Variants in SORCS2 observed in about 807,000 individuals in gnomAD.
SORCS2 encodes the protein sortilin related VPS10 domain containing receptor 2.
A neutral mutation model predicts 141.6 loss-of-function variants in SORCS2; 100 were observed. The observed-to-expected ratio is 0.71, with a 90% CI of 0.60 to 0.83. The LOEUF is 0.83. SORCS2 is among the 40% of genes least tolerant of loss of function. The pLI is 0.00. For missense variants in SORCS2, 1,646 were observed against 1,560.2 expected, an observed-to-expected ratio of 1.05 and a Z score of -0.93; for synonymous variants, 789 against 676.9, an observed-to-expected ratio of 1.17 and a Z score of -2.57.
At chr4:7,652,489 A>C (rs1259149179) in intron 4 of SORCS2, among the ~76,000 whole-genome samples, 1 of 151,734 alleles carries the variant, frequency 6.6e-6, no homozygotes, top group African/African-American at 2.4e-5. Context: ...TGGGGCACTG[A>C]CCCGTGGGCC....
rs369191979 is a variant in SORCS2 at position 7,736,967 on chromosome 4, G to T, written c.3312-102G>T. 5.5e-4 allele frequency: 787 copies of T among 1,441,822 alleles called. 7 individuals are homozygous for T. In the African/African-American group the frequency reaches 9.4e-3, roughly 17 times the overall value. 89.3% of individuals were successfully genotyped at this position (1,441,822 alleles called of 1,614,324 possible). Reference sequence around the variant, plus strand: ...GCACCTCTGGAGTGCTGTGGGCACCGTGCACCACACTCGGTGTGGTCAGGC... The same window carrying T: ...GCACCTCTGGAGTGCTGTGGGCACCTTGCACCACACTCGGTGTGGTCAGGC... On this transcript the variant is annotated intron_variant, in intron 25 of 26. Transcript: ENST00000507866.
intron 2 of SORCS2, among the ~76,000 whole-genome samples, chr4:7,518,948 G>A (rs1733156366): frequency 6.6e-6 from 1 of 152,104 alleles, no homozygotes; most frequent in South Asian, 2.1e-4. Context: ...GCTGCCTGTG[G>A]GAGCTGCCAA....
intron 3 of SORCS2, among the ~76,000 whole-genome samples, chr4:7,567,514 A>C (rs976879996): frequency 5.9e-5 from 9 of 152,088 alleles, no homozygotes; most frequent in African/African-American, 2.2e-4. Context: ...TATTCCTGGG[A>C]GGAAGACCAC....
At chr4:7,211,373 A>G (rs900400645) in intron 1 of SORCS2, among the ~76,000 whole-genome samples, 2 of 152,078 alleles carry the variant, frequency 1.3e-5, no homozygotes, top group African/African-American at 4.8e-5. Flanking sequence ...TTTTCAGGAT[A>G]CCATTGATTG....
chr4:7,666,029 G>A (rs1441101544), intron 7 of SORCS2, among the ~76,000 whole-genome samples: 1 of 152,110 alleles, frequency 6.6e-6, no homozygotes, highest in Non-Finnish European at 1.5e-5. Context: ...CGAGGAAACC[G>A]GGTGTGACTC....
chr4:7,689,212 G>A (rs1724058846), intron 10 of SORCS2, among the ~76,000 whole-genome samples: 1 of 152,056 alleles, frequency 6.6e-6, no homozygotes, highest in African/African-American at 2.4e-5. Context: ...CTAGATTAGG[G>A]AACCAACAGA....
At chr4:7,539,139 C>G (rs1197182766) in intron 3 of SORCS2, among the ~76,000 whole-genome samples, 1 of 152,192 alleles carries the variant, frequency 6.6e-6, no homozygotes, top group African/African-American at 2.4e-5. Flanking sequence ...CAGTGCTGCC[C>G]TGTCACCACC....
At chr4:7,719,786 G>A (rs1455418591) in intron 18 of SORCS2, among the ~76,000 whole-genome samples, 3 of 152,196 alleles carry the variant, frequency 2.0e-5, no homozygotes, top group South Asian at 2.1e-4. Context: ...CAGTGCAGTC[G>A]CATCTGCGGA....
At chr4:7,603,258 C>G (rs1717856938) in intron 3 of SORCS2, among the ~76,000 whole-genome samples, 1 of 152,066 alleles carries the variant, frequency 6.6e-6, no homozygotes, top group African/African-American at 2.4e-5. Flanking sequence ...TTAGATCACT[C>G]CATATTTCCT....
At position 7,192,947 on chromosome 4, in the gene SORCS2, G is replaced by A. The variant is rs970634114; in HGVS notation, c.301G>A (p.Ala101Thr). 10 of 1,314,976 alleles carry A rather than the reference G, an allele frequency of 7.6e-6. No individual in the cohort carries two copies. The African/African-American group carries it at 9.3e-5, about 12-fold the overall frequency. The allele number at this position is 1,314,976 out of a possible 1,614,324, so 81.5% of individuals were successfully genotyped here. A position where few individuals can be genotyped will look rare whatever the true frequency, so the allele number is the denominator to read the frequency against. The change falls in exon 1 of 27, where the codon GCT becomes ACT. Residue 101 changes from alanine to threonine, a missense_variant. Transcript: ENST00000507866. The surrounding 1 kb of genome is among the most constrained non-coding windows in gnomAD (Gnocchi z 4.0). ...CGCCCCGGGTCCGAGTCCCGGTCCC[G>A]CTCCTGGTCCCGGCGAGGACGGCGC... ...PGAPGPSPGP[A>T]PGPGEDGAPA... is the part of the protein sequence containing the mutation.
intron 3 of SORCS2, among the ~76,000 whole-genome samples, chr4:7,546,148 C>A (rs756914436): frequency 2.6e-5 from 4 of 152,150 alleles, no homozygotes; most frequent in Non-Finnish European, 4.4e-5. Flanking sequence ...GGGAGGAATA[C>A]AACATTCAGT....
At chr4:7,660,578 G>A (rs183173288) in intron 5 of SORCS2, among the ~76,000 whole-genome samples, 15 of 152,226 alleles carry the variant, frequency 9.9e-5, no homozygotes, top group African/African-American at 3.6e-4. Context: ...GTTGTGAGCA[G>A]GGCAGTGTGT....
intron 1 of SORCS2, among the ~76,000 whole-genome samples, chr4:7,227,241 C>G (rs1050035680): frequency 1.3e-5 from 2 of 152,220 alleles, no homozygotes; most frequent in African/African-American, 4.8e-5. Context: ...GGATAGGCTC[C>G]AGCCTGGCTC....
intron 9 of SORCS2, 142 bp downstream of exon 9, chr4:7,676,371 A>G (rs567074261): frequency 3.5e-6 from 3 of 866,286 alleles, no homozygotes; most frequent in South Asian, 3.7e-5. Flanking sequence ...GTACACAGCC[A>G]AATATTTTAG....
chr4:7,227,978 T>A lies in SORCS2; in HGVS notation c.480+34852T>A, dbSNP rs1174348495. On this transcript the variant is annotated intron_variant, in intron 1 of 26. Transcript: ENST00000507866. ...GGCAGGGGGTGGCGGGAGCTGAGGATGACTGAACGGGAGCAAGCGGGAGCT... is the reference window on the plus strand; with the variant it reads ...GGCAGGGGGTGGCGGGAGCTGAGGAAGACTGAACGGGAGCAAGCGGGAGCT... Among the ~76,000 whole-genome samples the A allele has an allele frequency of 9.9e-5, 15 of 152,138 alleles. 1 individual carries two copies.
chr4:7,295,016 C>T, intron 1 of SORCS2, among the ~76,000 whole-genome samples: 1 of 984 alleles, frequency 1.0e-3, no homozygotes, highest in Non-Finnish European at 2.5e-3. Flanking sequence ...CCTCCTCCCC[C>T]TTCTCCTCTC....
chr4:7,215,890 A>G (rs566147648), intron 1 of SORCS2, among the ~76,000 whole-genome samples: 47,753 of 151,208 alleles, frequency 0.32, 8,227 homozygotes, highest in Non-Finnish European at 0.39. Flanking sequence ...CAGGCCACTC[A>G]GCTCTACCAA....
chr4:7,488,153 A>T (rs1167229659), intron 2 of SORCS2, among the ~76,000 whole-genome samples: 3 of 152,234 alleles, frequency 2.0e-5, no homozygotes, highest in African/African-American at 4.8e-5. Flanking sequence ...ACTAGTGACC[A>T]GTCTGCCATG....
At chr4:7,237,266 C>T (rs1712350294) in intron 1 of SORCS2, among the ~76,000 whole-genome samples, 1 of 152,228 alleles carries the variant, frequency 6.6e-6, no homozygotes, top group African/African-American at 2.4e-5. Context: ...GGAAAACCTC[C>T]TAAGCCAAAG....
Sources: gnomAD v4.1 joint callset for allele counts (sites outside exome capture counted in the v4.1 genomes callset) on GRCh38, gnomAD v4.1.1 for gene constraint, Gnocchi (gnomAD v3.1) non-coding constraint, MANE v1.5 for transcripts, NCBI Gene and HGNC (gene_info 2026-07-23, HGNC 2026-07-21) for gene names.